The following GNA14 variants were observed in gnomAD, a reference collection of about 807,000 sequenced individuals.
GNA14 encodes G protein subunit alpha 14, also known as guanine nucleotide-binding protein subunit alpha-14.
Under a neutral mutation model 42.0 loss-of-function variants are expected in GNA14, and 50 were observed. The observed-to-expected ratio is 1.19, with a 90% CI of 0.95 to 1.51. GNA14 has a LOEUF of 1.51. GNA14 is among the 40% of genes most tolerant of loss of function. The pLI, the probability that GNA14 is intolerant of heterozygous loss-of-function variation, is 0.00. For missense variants in GNA14, 473 were observed against 446.2 expected (o/e 1.06, Z -0.54); for synonymous variants, 173 against 163.1 (o/e 1.06, Z -0.46).
intron 1 of GNA14, among the ~76,000 whole-genome samples, chr9:77,618,855 G>C (rs557205012): frequency 7.3e-5 from 11 of 150,036 alleles, no homozygotes; most frequent in Non-Finnish European, 1.6e-4. Flanking sequence ...GGATGGTCTC[G>C]ATCTCCTGAC....
At chr9:77,534,944 C>A (rs1837575787) in intron 1 of GNA14, among the ~76,000 whole-genome samples, 1 of 152,324 alleles carries the variant, frequency 6.6e-6, no homozygotes, top group African/African-American at 2.4e-5. Flanking sequence ...GCAAAGCAAC[C>A]TCACCAGTGA....
intron 5 of GNA14, among the ~76,000 whole-genome samples, chr9:77,428,081 TTC>T (rs1554685764): frequency 0.021 from 3,059 of 144,738 alleles, 89 homozygotes; most frequent in African/African-American, 0.046. Flanking sequence ...CTTTTTTTTT[TTC>T]TTTTTTTTTT....
At chr9:77,552,282 A>C (rs1391847210) in intron 1 of GNA14, among the ~76,000 whole-genome samples, 1 of 152,068 alleles carries the variant, frequency 6.6e-6, no homozygotes, top group African/African-American at 2.4e-5. Context: ...GGTGGTGAAA[A>C]GTGAAGGACA....
chr9:77,440,394 G>A (rs567365560), intron 2 of GNA14, among the ~76,000 whole-genome samples: 11 of 148,866 alleles, frequency 7.4e-5, no homozygotes, highest in South Asian at 4.2e-4. Context: ...TCCTCCCCAC[G>A]GGGGTGCTTC....
At chr9:77,538,555 A>G (rs1158914801) in intron 1 of GNA14, among the ~76,000 whole-genome samples, 1 of 152,174 alleles carries the variant, frequency 6.6e-6, no homozygotes, top group African/African-American at 2.4e-5. Context: ...AATTCTTCCA[A>G]TCCATGAGCA....
intron 1 of GNA14, among the ~76,000 whole-genome samples, chr9:77,605,241 C>T (rs1165695228): frequency 6.6e-6 from 1 of 152,206 alleles, no homozygotes; most frequent in East Asian, 1.9e-4. Context: ...TCATCCTGGA[C>T]CTCAGGTCTT....
chr9:77,597,991 A>G (rs1423038688), intron 1 of GNA14, among the ~76,000 whole-genome samples: 2 of 152,162 alleles, frequency 1.3e-5, no homozygotes, highest in Non-Finnish European at 2.9e-5. Context: ...GTGAGCAGAG[A>G]TTATTCCACT....
intron 2 of GNA14, among the ~76,000 whole-genome samples, chr9:77,518,896 C>G (rs575506773): frequency 6.6e-6 from 1 of 151,992 alleles, no homozygotes; most frequent in South Asian, 2.1e-4. Flanking sequence ...AGATAAAATA[C>G]GCAGTTAAAC....
intron 2 of GNA14, among the ~76,000 whole-genome samples, chr9:77,466,830 T>C (rs1200156818): frequency 3.3e-5 from 5 of 152,206 alleles, no homozygotes. Context: ...TGTGACTAAC[T>C]CTGTGATGTC....
chr9:77,640,871 CAA>C (rs1178043976), intron 1 of GNA14, among the ~76,000 whole-genome samples: 1,689 of 27,296 alleles, frequency 0.062, 15 homozygotes, highest in African/African-American at 0.12. Context: ...ATAAAATGCT[CAA>C]AAAAAAAAAA....
At chr9:77,645,243 G>C (rs546904474) in intron 1 of GNA14, among the ~76,000 whole-genome samples, 25 of 152,290 alleles carry the variant, frequency 1.6e-4, no homozygotes, top group African/African-American at 5.5e-4. Context: ...TTTTAACTGA[G>C]GCACCTGAGC....
At chr9:77,464,351 ATGTG>A (rs35743834) in intron 2 of GNA14, among the ~76,000 whole-genome samples, 8,317 of 144,422 alleles carry the variant, frequency 0.058, 234 homozygotes, top group Middle Eastern at 0.095. Flanking sequence ...GTGTGTGTAT[ATGTG>A]TGTGTGTGTG....
chr9:77,471,101 C>T (rs1836322158), intron 2 of GNA14, among the ~76,000 whole-genome samples: 1 of 152,056 alleles, frequency 6.6e-6, no homozygotes, highest in African/African-American at 2.4e-5. Context: ...GCGTTCAAAA[C>T]TGGAGGGATG....
At chr9:77,596,235 T>C (rs112745714) in intron 1 of GNA14, among the ~76,000 whole-genome samples, 22 of 152,030 alleles carry the variant, frequency 1.4e-4, no homozygotes, top group African/African-American at 5.1e-4. Context: ...AACGTAAATA[T>C]TGAGATTAAC....
At chr9:77,500,216 C>T (rs1012637893) in intron 2 of GNA14, among the ~76,000 whole-genome samples, 1 of 151,944 alleles carries the variant, frequency 6.6e-6, no homozygotes, top group South Asian at 2.1e-4. Context: ...CGGGGTTTGA[C>T]CATAGTGATC....
intron 1 of GNA14, among the ~76,000 whole-genome samples, chr9:77,542,311 A>G (rs957456690): frequency 1.3e-5 from 2 of 152,188 alleles, no homozygotes; most frequent in African/African-American, 2.4e-5. Context: ...AACAGTGTCA[A>G]TGGTGTCTGT....
intron 2 of GNA14, among the ~76,000 whole-genome samples, chr9:77,526,085 T>C (rs1279370225): frequency 4.0e-5 from 6 of 150,212 alleles, no homozygotes; most frequent in African/African-American, 7.4e-5. Context: ...TATTTTTTTT[T>C]TTTTTTTTGG....
rs569992323 is a variant in GNA14 at position 77,525,742 on chromosome 9, G to A, written c.309+3327C>T. Among the ~76,000 whole-genome samples, 43 of 151,674 alleles carry A rather than the reference G, an allele frequency of 2.8e-4. 2 individuals carry two copies. The South Asian group carries it at 6.2e-3, about 22-fold the overall frequency. ...TTTAGTAGAGACGGGGTTTCACCGC[G>A]TTAGCCAGGATGATCTCGATCTCCT... On this transcript the variant is annotated intron_variant, in intron 2 of 6. Coordinates refer to ENST00000341700, the MANE Select transcript of GNA14 (RefSeq NM_004297.4).
At chr9:77,646,215 T>A (rs1824349426) in intron 1 of GNA14, among the ~76,000 whole-genome samples, 1 of 152,206 alleles carries the variant, frequency 6.6e-6, no homozygotes, top group Non-Finnish European at 1.5e-5. Context: ...CCAGCCCACA[T>A]TTCCAAGCAC....
Sources: gnomAD v4.1 joint callset for allele counts (sites outside exome capture counted in the v4.1 genomes callset) on GRCh38, gnomAD v4.1.1 for gene constraint, MANE v1.5 for transcripts, NCBI Gene and HGNC (gene_info 2026-07-23, HGNC 2026-07-21) for gene names.